Variants in KATNAL1 observed in about 807,000 individuals in gnomAD.
The protein encoded by KATNAL1 is katanin catalytic subunit A1 like 1.
Under a neutral mutation model 55.2 loss-of-function variants are expected in KATNAL1, and 32 were observed. The ratio of observed to expected loss-of-function variants is 0.58; its 90% CI spans 0.44 to 0.78. The LOEUF (loss-of-function observed/expected upper bound fraction) is 0.78. KATNAL1 is among the 30% of genes least tolerant of loss of function. KATNAL1 has a pLI of 0.00. For missense variants in KATNAL1, 466 were observed against 600.9 expected, an observed-to-expected ratio of 0.78 and a Z score of 2.35; for synonymous variants, 193 against 193.6, an observed-to-expected ratio of 1.00 and a Z score of 0.02.
chr13:30,261,714 C>A (rs1053431680), intron 3 of KATNAL1, among the ~76,000 whole-genome samples: 27 of 152,296 alleles, frequency 1.8e-4, no homozygotes, highest in Non-Finnish European at 2.6e-4. Context: ...CAGATTCATA[C>A]AGCAAGTCCT....
At chr13:30,250,901 G>C (rs1019804924) in intron 4 of KATNAL1, among the ~76,000 whole-genome samples, 5 of 152,186 alleles carry the variant, frequency 3.3e-5, no homozygotes, top group Non-Finnish European at 7.4e-5. Context: ...CACTTCGGGA[G>C]GCCGAGGCGG....
At chr13:30,266,868 C>G (rs1354029321) in intron 3 of KATNAL1, among the ~76,000 whole-genome samples, 1 of 152,128 alleles carries the variant, frequency 6.6e-6, no homozygotes, top group African/African-American at 2.4e-5. Context: ...CTTCTCACAC[C>G]AAAAATTATA....
intron 3 of KATNAL1, among the ~76,000 whole-genome samples, chr13:30,277,843 C>T (rs1412119953): frequency 3.3e-5 from 5 of 151,192 alleles, no homozygotes; most frequent in Admixed American, 6.6e-5. Context: ...ATTAGCCGGG[C>T]GTAGTGGCGG....
At chr13:30,259,701 G>A (rs544643809) in intron 3 of KATNAL1, among the ~76,000 whole-genome samples, 5 of 152,304 alleles carry the variant, frequency 3.3e-5, no homozygotes, top group East Asian at 3.9e-4. Flanking sequence ...ATTATATCCC[G>A]CACCTGGCTC....
intron 1 of KATNAL1, among the ~76,000 whole-genome samples, chr13:30,305,643 G>T (rs767202461): frequency 4.6e-5 from 7 of 152,212 alleles, no homozygotes; most frequent in Non-Finnish European, 8.8e-5. Context: ...TGAGGATTAA[G>T]TAAGGAGTTG....
intron 6 of KATNAL1, among the ~76,000 whole-genome samples, chr13:30,239,177 AG>A: frequency 6.6e-6 from 1 of 152,302 alleles, no homozygotes; most frequent in African/African-American, 2.4e-5. Context: ...CGGGAGACCA[AG>A]GTGGGAGGTT....
chr13:30,232,831 T>G (rs1876243708), intron 6 of KATNAL1, among the ~76,000 whole-genome samples: 1 of 152,134 alleles, frequency 6.6e-6, no homozygotes, highest in African/African-American at 2.4e-5. Flanking sequence ...TCTGCCACAT[T>G]ACAAAAATCC....
intron 9 of KATNAL1, among the ~76,000 whole-genome samples, chr13:30,221,800 C>T (rs1238708804): frequency 6.6e-6 from 1 of 152,100 alleles, no homozygotes; most frequent in Non-Finnish European, 1.5e-5. Context: ...GTTTGTAATC[C>T]CAGCACTTTG....
intron 9 of KATNAL1, among the ~76,000 whole-genome samples, chr13:30,225,795 A>C (rs765643814): frequency 2.6e-5 from 4 of 152,122 alleles, no homozygotes; most frequent in Admixed American, 6.5e-5. Flanking sequence ...AAAAAGTACT[A>C]TTCATTAAAA....
At chr13:30,257,648 G>A (rs375596142) in intron 3 of KATNAL1, among the ~76,000 whole-genome samples, 23 of 152,262 alleles carry the variant, frequency 1.5e-4, no homozygotes, top group Admixed American at 9.2e-4. Flanking sequence ...CACAAATCCC[G>A]CTCAGTAAAG....
At chr13:30,278,128 A>T (rs1251655495) in intron 3 of KATNAL1, among the ~76,000 whole-genome samples, 1 of 151,986 alleles carries the variant, frequency 6.6e-6, no homozygotes, top group Non-Finnish European at 1.5e-5. Context: ...CTATTACTCA[A>T]TGTATTATAT....
intron 1 of KATNAL1, among the ~76,000 whole-genome samples, chr13:30,288,409 C>T (rs1399028785): frequency 6.6e-6 from 1 of 152,172 alleles, no homozygotes; most frequent in African/African-American, 2.4e-5. Flanking sequence ...GCTGCTGAAA[C>T]TGTAGTTTGA....
chr13:30,259,525 C>T (rs911199951), intron 3 of KATNAL1, among the ~76,000 whole-genome samples: 15 of 151,812 alleles, frequency 9.9e-5, no homozygotes, highest in African/African-American at 2.2e-4. Flanking sequence ...GCACCGTGCA[C>T]GAGCCGAAGC....
intron 1 of KATNAL1, among the ~76,000 whole-genome samples, chr13:30,299,918 G>A (rs1882755368): frequency 6.6e-6 from 1 of 152,000 alleles, no homozygotes; most frequent in Non-Finnish European, 1.5e-5. Context: ...AACACATAAA[G>A]CCATCTTTTC....
At chr13:30,285,599 A>T (rs1881726460) in intron 1 of KATNAL1, among the ~76,000 whole-genome samples, 1 of 152,152 alleles carries the variant, frequency 6.6e-6, no homozygotes, top group Non-Finnish European at 1.5e-5. Flanking sequence ...GTTTTTCTTC[A>T]CAGCAGTGTG....
chr13:30,255,635 A>AAAAATT lies in KATNAL1; in HGVS notation c.324-26_324-21dup, dbSNP rs754187428. 6.5e-6 allele frequency: 9 copies of AAAAATT among 1,384,910 alleles called. No homozygotes were observed. Among genetic ancestry groups the AAAAATT allele is most frequent in the Middle Eastern group, 2.4e-4 (1 of 4,218 alleles). The allele number at this position is 1,384,910 out of a possible 1,614,324, so 85.8% of individuals were successfully genotyped here. A position where few individuals can be genotyped will look rare whatever the true frequency, so the allele number is the denominator to read the frequency against. On this transcript the variant is annotated intron_variant, in intron 3 of 10. Transcript: ENST00000380615. ...GGAGCTCTGACAAAAAAAAAAAAAA[A>AAAAATT]AAAATTAAAATTAAAATTAAAATTA...
intron 6 of KATNAL1, among the ~76,000 whole-genome samples, chr13:30,238,756 T>C (rs887282060): frequency 6.6e-6 from 1 of 152,172 alleles, no homozygotes; most frequent in Admixed American, 6.5e-5. Context: ...ACTCTCCATT[T>C]AGGATGTCTC....
intron 4 of KATNAL1, among the ~76,000 whole-genome samples, chr13:30,246,444 A>G (rs1009993737): frequency 2.6e-5 from 4 of 152,248 alleles, no homozygotes; most frequent in Admixed American, 2.6e-4. Flanking sequence ...AAAACCCTAG[A>G]AGAAAACCTA....
intron 9 of KATNAL1, among the ~76,000 whole-genome samples, chr13:30,223,104 A>G (rs1158601522): frequency 2.6e-5 from 4 of 151,034 alleles, no homozygotes; most frequent in Non-Finnish European, 4.4e-5. Context: ...TAAACAAACA[A>G]ACAAAAAAGA....
Sources: allele counts gnomAD v4.1 joint callset (sites outside exome capture counted in the v4.1 genomes callset), GRCh38; gene constraint gnomAD v4.1.1; transcripts MANE v1.5; gene names NCBI Gene and HGNC (gene_info 2026-07-23, HGNC 2026-07-21).